OR51B5: variants seen among roughly 807,000 people sequenced by gnomAD.
OR51B5 encodes olfactory receptor family 51 subfamily B member 5, also known as olfactory receptor 51B5.
For synonymous variants in OR51B5, 186 were observed against 144.8 expected, an observed-to-expected ratio of 1.28 and a Z score of -2.04; for missense variants, 456 against 374.6, an observed-to-expected ratio of 1.22 and a Z score of -1.79.
At chr11:5,489,659 T>C (rs1851553524) in intron 1 of OR51B5, 2 of 1,603,686 alleles carry the variant, frequency 1.2e-6, no homozygotes, top group Non-Finnish European at 1.7e-6. Flanking sequence ...AAGACTTCAA[T>C]ATGAATGCTG....
At chr11:5,404,177 GC>G (rs144328305) in intron 1 of OR51B5, among the ~76,000 whole-genome samples, 17,720 of 135,838 alleles carry the variant, frequency 0.13, 1,668 homozygotes, top group African/African-American at 0.24. Flanking sequence ...GGCGGGGAGG[GC>G]GGGGGGCGGA....
intron 1 of OR51B5, among the ~76,000 whole-genome samples, chr11:5,473,985 C>CA (rs925761411): frequency 2.6e-5 from 4 of 151,726 alleles, no homozygotes; most frequent in Non-Finnish European, 4.4e-5. Context: ...TCAGTAATTC[C>CA]ATCACAAGAC....
chr11:5,453,655 A>G (rs1422130497), intron 1 of OR51B5: 5 of 1,613,526 alleles, frequency 3.1e-6, no homozygotes, highest in Non-Finnish European at 3.4e-6. Flanking sequence ...CCCAGCCTCC[A>G]TGAGCCCATG....
chr11:5,361,047 G>T (rs980048973), intron 1 of OR51B5, among the ~76,000 whole-genome samples: 1 of 151,966 alleles, frequency 6.6e-6, no homozygotes. Flanking sequence ...GCTAAGTGAC[G>T]AGTTAATGGG....
intron 1 of OR51B5, among the ~76,000 whole-genome samples, chr11:5,420,689 T>G (rs922770940): frequency 6.6e-6 from 1 of 152,166 alleles, no homozygotes; most frequent in African/African-American, 2.4e-5. Flanking sequence ...ATGCTTATAT[T>G]ATTTTCTCTA....
At chr11:5,454,288 A>T (rs994330774) in intron 1 of OR51B5, 2 of 1,614,094 alleles carry the variant, frequency 1.2e-6, no homozygotes, top group African/African-American at 2.7e-5. Context: ...TTTGGGAAGC[A>T]TGTCCCATGC....
intron 1 of OR51B5, among the ~76,000 whole-genome samples, chr11:5,504,139 CAT>C (rs1283535503): frequency 1.1e-4 from 17 of 151,314 alleles, no homozygotes; most frequent in African/African-American, 4.1e-4. Flanking sequence ...AGCCCTAAAA[CAT>C]ATAGAAAAAA....
chr11:5,479,744 A>G (rs1289265693), intron 1 of OR51B5, among the ~76,000 whole-genome samples: 12 of 146,088 alleles, frequency 8.2e-5, no homozygotes, highest in Non-Finnish European at 1.8e-4. Context: ...TTAAACCAAC[A>G]AAGATCAAAA....
At chr11:5,416,501 A>T (rs1014160207) in intron 1 of OR51B5, among the ~76,000 whole-genome samples, 1 of 151,610 alleles carries the variant, frequency 6.6e-6, no homozygotes, top group Non-Finnish European at 1.5e-5. Flanking sequence ...CTGTTTGCAG[A>T]TGACATGATT....
intron 1 of OR51B5, chr11:5,351,802 G>T (rs1849093280): frequency 6.2e-7 from 1 of 1,613,942 alleles, no homozygotes; most frequent in Non-Finnish European, 8.5e-7. Context: ...CTTCTCTCAG[G>T]CCTATTTTAT....
At position 5,440,655 on chromosome 11, in the gene OR51B5, G is replaced by C; in HGVS notation, n.84+64914C>G. On this transcript the variant is annotated intron_variant and non_coding_transcript_variant, in intron 1 of 4. Coordinates refer to the OR51B5 transcript ENST00000415970. The stretch of plus-strand genomic sequence containing the variant: ...ACTGTAGATGATAGGGTTGAGCATG[G>C]GTGGTACAAACAGGTAGACATTGGA... 1.2e-6 allele frequency: 2 copies of C among 1,613,860 alleles called. No homozygotes were observed. Among genetic ancestry groups the C allele is most frequent in the Non-Finnish European group, 1.7e-6 (2 of 1,179,826 alleles).
At chr11:5,471,190 T>A (rs890389631) in intron 1 of OR51B5, among the ~76,000 whole-genome samples, 2 of 152,228 alleles carry the variant, frequency 1.3e-5, no homozygotes, top group African/African-American at 4.8e-5. Context: ...TTTAGTTATT[T>A]GATTAGTATC....
At chr11:5,420,407 T>C (rs539926146) in intron 1 of OR51B5, among the ~76,000 whole-genome samples, 1 of 152,260 alleles carries the variant, frequency 6.6e-6, no homozygotes, top group African/African-American at 2.4e-5. Flanking sequence ...TGTTTTATGC[T>C]TCTTTGTAGT....
intron 1 of OR51B5, among the ~76,000 whole-genome samples, chr11:5,415,237 G>A (rs1343824488): frequency 1.3e-5 from 2 of 150,692 alleles, no homozygotes; most frequent in South Asian, 2.1e-4. Context: ...CGAGAACAAA[G>A]ACACAACATA....
At chr11:5,473,850 AATGAGTGT>A (rs1301949363) in intron 1 of OR51B5, among the ~76,000 whole-genome samples, 1 of 97,408 alleles carries the variant, frequency 1.0e-5, no homozygotes, top group Non-Finnish European at 2.5e-5. Flanking sequence ...TAAATTACAA[AATGAGTGT>A]GTGTGTGTGT....
At chr11:5,448,468 T>C (rs1850802008) in intron 1 of OR51B5, among the ~76,000 whole-genome samples, 1 of 152,190 alleles carries the variant, frequency 6.6e-6, no homozygotes, top group Non-Finnish European at 1.5e-5. Context: ...TAGAGAGAGA[T>C]GGCACGGTGT....
chr11:5,414,951 C>A (rs1467925656), intron 1 of OR51B5, among the ~76,000 whole-genome samples: 2 of 152,164 alleles, frequency 1.3e-5, no homozygotes, highest in Non-Finnish European at 2.9e-5. Flanking sequence ...GAACTCTCCA[C>A]CCCAAATCAA....
chr11:5,395,798 G>C lies in OR51B5; in HGVS notation n.85-48888C>G, dbSNP rs142789383. On this transcript the variant is annotated intron_variant and non_coding_transcript_variant, in intron 1 of 4. Transcript: ENST00000415970. The stretch of plus-strand genomic sequence containing the variant: ...GGATTGTCCAAAAACCTGTGCAAGA[G>C]CTCATGGCTTCCCACTCCAAATACC... 4.3e-3 allele frequency among the ~76,000 whole-genome samples: 656 copies of C among 152,282 alleles called. 2 individuals are homozygous for C. The highest frequency in any genetic ancestry group is 7.2e-3 in the Non-Finnish European group (492 of 68,020).
At chr11:5,362,773 G>T (rs11037011) in intron 1 of OR51B5, 43,326 of 224,686 alleles carry the variant, frequency 0.19, 4,929 homozygotes, top group East Asian at 0.39. Context: ...TCTATAAAGA[G>T]TATCTCCTTG....
Sources: gnomAD v4.1 joint callset for allele counts (sites outside exome capture counted in the v4.1 genomes callset) on GRCh38, gnomAD v4.1.1 for gene constraint, MANE v1.5 for transcripts, NCBI Gene and HGNC (gene_info 2026-07-23, HGNC 2026-07-21) for gene names.